KCNJ5: variants seen among roughly 807,000 people sequenced by gnomAD.
KCNJ5 encodes G protein-activated inward rectifier potassium channel 4.
A neutral mutation model predicts 20.2 loss-of-function variants in KCNJ5; 12 were observed. The observed-to-expected ratio is 0.59, with a 90% CI of 0.38 to 0.96. KCNJ5 has a LOEUF of 0.96. Among genes scored for constraint, KCNJ5 ranks in the 40% least tolerant of loss-of-function variants. The probability of loss-of-function intolerance (pLI) is 0.00; values close to 1 mark genes in which losing one functional copy is unlikely to be tolerated. For synonymous variants in KCNJ5, 210 were observed against 213.9 expected (o/e 0.98, Z 0.16); for missense variants, 449 against 557.6 (o/e 0.81, Z 1.96).
At chr11:128,895,391 C>A (rs12226017) in intron 1 of KCNJ5, among the ~76,000 whole-genome samples, 18,219 of 149,814 alleles carry the variant, frequency 0.12, 1,421 homozygotes, top group East Asian at 0.2. Context: ...CACCCCCCCC[C>A]CAACCCCAGG....
At chr11:128,904,316 A>G (rs1591444060) in intron 1 of KCNJ5, 6 of 1,465,782 alleles carry the variant, frequency 4.1e-6, no homozygotes, top group Non-Finnish European at 2.8e-6. Context: ...TCAGGACTGC[A>G]CCCTGGCCTC....
At chr11:128,903,070 A>C (rs978924684) in intron 1 of KCNJ5, among the ~76,000 whole-genome samples, 2 of 152,206 alleles carry the variant, frequency 1.3e-5, no homozygotes, top group Non-Finnish European at 2.9e-5. Context: ...GCCGAGTAGC[A>C]GCTGCCGCTT....
chr11:128,899,095 T>C (rs1313973389), intron 1 of KCNJ5, among the ~76,000 whole-genome samples: 1 of 152,228 alleles, frequency 6.6e-6, no homozygotes. Flanking sequence ...GCATTCCATT[T>C]TTGTGGAGTT....
At position 128,916,992 on chromosome 11, in the gene KCNJ5, C is replaced by T; in HGVS notation, c.*261C>T. On this transcript the variant is annotated 3_prime_UTR_variant, in exon 3 of 3. Coordinates refer to ENST00000529694, the MANE Select transcript of KCNJ5 (RefSeq NM_000890.5). Reference sequence around the variant, plus strand: ...TAAGGGCCAGGCCAGGATGAGTTTCCCCATGGTGAATGTTACCGGATGGCA... The same window carrying T: ...TAAGGGCCAGGCCAGGATGAGTTTCTCCATGGTGAATGTTACCGGATGGCA... 1 of 446,516 alleles carries T rather than the reference C, an allele frequency of 2.2e-6. No individual in the cohort carries two copies. Among genetic ancestry groups the T allele is most frequent in the South Asian group, 3.9e-5 (1 of 25,626 alleles). 27.7% of individuals were successfully genotyped at this position (446,516 alleles called of 1,614,324 possible).
In KCNJ5 at chr11:128,899,208, G is replaced by A. The variant is rs12288232; in HGVS notation, c.-11+7487G>A. Among the ~76,000 whole-genome samples, 650 of 152,218 alleles carry A rather than the reference G, an allele frequency of 4.3e-3. 4 individuals are homozygous for A. The highest frequency in any genetic ancestry group is 0.015 in the African/African-American group (615 of 41,544). ...AGTTGACTCACCCTCCTGCACCTCA[G>A]TTTTCTCATCTATAAAATGGGGAGA... On this transcript the variant is annotated intron_variant, in intron 1 of 2. Transcript: ENST00000529694.
chr11:128,912,239 G>A (rs777390373), intron 2 of KCNJ5, 29 bp downstream of exon 2: 30 of 1,565,132 alleles, frequency 1.9e-5, no homozygotes, highest in Non-Finnish European at 2.4e-5. Flanking sequence ...CTCAGCCACA[G>A]GTGGCCCTAC....
intron 1 of KCNJ5, chr11:128,905,606 C>A (rs1424651601): frequency 1.3e-5 from 2 of 152,548 alleles, no homozygotes; most frequent in South Asian, 2.1e-4. Context: ...GGGAGGGGCG[C>A]TCTGGCGACC....
intron 1 of KCNJ5, chr11:128,904,464 T>G: frequency 6.2e-7 from 1 of 1,613,112 alleles, no homozygotes; most frequent in Non-Finnish European, 8.5e-7. Flanking sequence ...ATTCTGGGAC[T>G]AGGCATCAGC....
chr11:128,901,480 T>G (rs1944275186), intron 1 of KCNJ5: 1 of 152,208 alleles, frequency 6.6e-6, no homozygotes. Context: ...TGATGACGTG[T>G]TTAAAACAAA....
At chr11:128,908,969 T>C (rs543753203) in intron 1 of KCNJ5, among the ~76,000 whole-genome samples, 7 of 152,328 alleles carry the variant, frequency 4.6e-5, no homozygotes, top group African/African-American at 1.7e-4. Flanking sequence ...TCTGCAAAGA[T>C]AGCCCCAAGC....
chr11:128,910,719 T>C (rs2135997930), intron 1 of KCNJ5, among the ~76,000 whole-genome samples: 1 of 152,338 alleles, frequency 6.6e-6, no homozygotes, highest in African/African-American at 2.4e-5. Flanking sequence ...TTCTAAGTGC[T>C]TGGAATACCA....
chr11:128,894,930 G>A (rs933783025), intron 1 of KCNJ5, among the ~76,000 whole-genome samples: 2 of 152,202 alleles, frequency 1.3e-5, no homozygotes, highest in African/African-American at 4.8e-5. Context: ...GGAGATCCTG[G>A]CTAGTGCTTA....
At chr11:128,904,337 T>A in intron 1 of KCNJ5, 2 of 1,533,796 alleles carry the variant, frequency 1.3e-6, no homozygotes, top group Non-Finnish European at 1.8e-6. Flanking sequence ...TCTCTCACTC[T>A]CTACTGCACT....
At chr11:128,914,947 A>G (rs1166916505) in intron 2 of KCNJ5, among the ~76,000 whole-genome samples, 1 of 152,218 alleles carries the variant, frequency 6.6e-6, no homozygotes, top group East Asian at 1.9e-4. Flanking sequence ...GGGGACAACA[A>G]GGGTAACGAC....
rs755285419 is a variant in KCNJ5, at chr11:128,904,349, A to G, written c.-10-6915A>G. On this transcript the variant is annotated intron_variant, in intron 1 of 2. Transcript: ENST00000529694. ...CTCTCTCTCACTCTCTACTGCACTGATTTTTTTTGCCTGTGTACTCCCCAC... is the reference window on the plus strand; with the variant it reads ...CTCTCTCTCACTCTCTACTGCACTGGTTTTTTTTGCCTGTGTACTCCCCAC... 13 of 1,574,556 alleles carry G rather than the reference A, an allele frequency of 8.3e-6. No individual in the cohort carries two copies. The South Asian group carries it at 1.5e-4, about 18-fold the overall frequency.
rs577721247 is a variant in KCNJ5, at chr11:128,910,324, A to G, written c.-10-940A>G. ...ACGCCCTTTGAAGAGCTTTGGGGCC[A>G]TTAACATCCTGTCCAGTTCCATTTC... On this transcript the variant is annotated intron_variant, in intron 1 of 2. Coordinates refer to ENST00000529694, the MANE Select transcript of KCNJ5 (RefSeq NM_000890.5). Among the ~76,000 whole-genome samples the G allele has an allele frequency of 3.9e-5, 6 of 152,328 alleles. No homozygotes were observed. The South Asian group carries it at 1.0e-3, about 26-fold the overall frequency.
At chr11:128,915,979 TGGATGATTGGA>T (rs760164464) in intron 2 of KCNJ5, among the ~76,000 whole-genome samples, 12,569 of 93,382 alleles carry the variant, frequency 0.13, 640 homozygotes, top group East Asian at 0.31. Flanking sequence ...GATGGATGGA[TGGATGATTGGA>T]TGGATGGATG....
At chr11:128,914,063 G>A (rs547661178) in intron 2 of KCNJ5, among the ~76,000 whole-genome samples, 63 of 152,338 alleles carry the variant, frequency 4.1e-4, no homozygotes, top group African/African-American at 1.3e-3. Context: ...GGGCAGCCCC[G>A]GGGCCGAGGA....
At chr11:128,910,494 C>G (rs7946367) in intron 1 of KCNJ5, among the ~76,000 whole-genome samples, 11,017 of 152,262 alleles carry the variant, frequency 0.072, 1,352 homozygotes, top group African/African-American at 0.25. Context: ...CTTTTCCTTT[C>G]TGTCTGCTGC....
Sources: allele counts gnomAD v4.1 joint callset (sites outside exome capture counted in the v4.1 genomes callset), GRCh38; gene constraint gnomAD v4.1.1; transcripts MANE v1.5; gene names NCBI Gene and HGNC (gene_info 2026-07-23, HGNC 2026-07-21).